Variants in DLGAP2 observed in about 807,000 individuals in gnomAD.
The protein encoded by DLGAP2 is DLG associated protein 2, also known as disks large-associated protein 2.
In DLGAP2, 26 loss-of-function variants were observed where a neutral mutation model predicts 100.3. The observed-to-expected ratio is 0.26, with a 90% CI of 0.19 to 0.36. The LOEUF (loss-of-function observed/expected upper bound fraction) is 0.36, where lower values mean the gene tolerates loss of function less well. Ranked by LOEUF, DLGAP2 falls within the 10% of genes least tolerant of loss-of-function variation. DLGAP2 has a pLI of 1.00. For synonymous variants in DLGAP2, 886 were observed against 630.1 expected, an observed-to-expected ratio of 1.41 and a Z score of -6.08; for missense variants, 1,858 against 1,453.2, an observed-to-expected ratio of 1.28 and a Z score of -4.53.
chr8:1,256,550 G>A lies in DLGAP2; in HGVS notation c.74-2301G>A, dbSNP rs577860675. ...GTCTCATCCTGCCCAGGCGCTGTGTGTGTGTCCTTTCCTGCCCGGGTGCTG... is the reference window on the plus strand; with the variant it reads ...GTCTCATCCTGCCCAGGCGCTGTGTATGTGTCCTTTCCTGCCCGGGTGCTG... On this transcript the variant is annotated intron_variant, in intron 2 of 14. Transcript: ENST00000637795. Among the ~76,000 whole-genome samples, 3 of 148,190 alleles carry A rather than the reference G, an allele frequency of 2.0e-5. No homozygotes were observed. In the East Asian group the frequency reaches 6.1e-4, roughly 30 times the overall value.
intron 1 of DLGAP2, among the ~76,000 whole-genome samples, chr8:821,638 A>ACTG: frequency 6.6e-6 from 1 of 152,320 alleles, no homozygotes; most frequent in South Asian, 2.1e-4. Flanking sequence ...ATTCTCTGGT[A>ACTG]CTGGTTGTTT....
chr8:982,087 G>A (rs145685717), intron 2 of DLGAP2, among the ~76,000 whole-genome samples: 34 of 152,332 alleles, frequency 2.2e-4, no homozygotes, highest in African/African-American at 8.2e-4. Context: ...GGACAGGTTA[G>A]TTAGGAATGC....
intron 5 of DLGAP2, chr8:1,565,424 G>C (rs1395488196): frequency 5.2e-6 from 2 of 381,402 alleles, no homozygotes; most frequent in Non-Finnish European, 9.2e-6. Flanking sequence ...GATTGCAAGT[G>C]TCCCTTCTTC....
chr8:961,878 G>A, intron 2 of DLGAP2, among the ~76,000 whole-genome samples: 1 of 152,200 alleles, frequency 6.6e-6, no homozygotes, highest in Non-Finnish European at 1.5e-5. Context: ...CTGGACTCGG[G>A]AAGTCTTCAT....
chr8:936,287 A>C (rs1048051613), intron 2 of DLGAP2, among the ~76,000 whole-genome samples: 1 of 152,166 alleles, frequency 6.6e-6, no homozygotes, highest in South Asian at 2.1e-4. Context: ...AGGGGGCTCT[A>C]TTTGAAGGTG....
chr8:986,045 T>C (rs1033463681), intron 2 of DLGAP2, among the ~76,000 whole-genome samples: 14 of 152,164 alleles, frequency 9.2e-5, no homozygotes, highest in African/African-American at 3.4e-4. Flanking sequence ...GGGGGGAGTA[T>C]GGCTGGTTGG....
chr8:772,509 G>A (rs1585846956), intron 1 of DLGAP2, among the ~76,000 whole-genome samples: 1 of 152,080 alleles, frequency 6.6e-6, no homozygotes, highest in East Asian at 1.9e-4. Flanking sequence ...TTTTAGTAGA[G>A]ACGGGGTTTC....
At chr8:1,411,045 A>AAGGTGACT (rs1387613208) in intron 3 of DLGAP2, among the ~76,000 whole-genome samples, 1 of 152,126 alleles carries the variant, frequency 6.6e-6, no homozygotes, top group African/African-American at 2.4e-5. Context: ...CAGTGCATAA[A>AAGGTGACT]AGGTGACTAA....
chr8:1,431,554 T>C (rs1467201547), intron 3 of DLGAP2, among the ~76,000 whole-genome samples: 1 of 152,198 alleles, frequency 6.6e-6, no homozygotes, highest in Non-Finnish European at 1.5e-5. Context: ...CAGCCGTTCA[T>C]GCACGAGTTC....
At chr8:1,349,084 G>C (rs1407331488) in intron 3 of DLGAP2, among the ~76,000 whole-genome samples, 1 of 151,660 alleles carries the variant, frequency 6.6e-6, no homozygotes. Context: ...CCTCAGCAGT[G>C]TGCTGCTCAG....
chr8:1,431,049 C>G (rs1299341133), intron 3 of DLGAP2, among the ~76,000 whole-genome samples: 1 of 152,154 alleles, frequency 6.6e-6, no homozygotes, highest in Non-Finnish European at 1.5e-5. Context: ...AATATTTGGA[C>G]ATAGAAACAA....
At chr8:1,115,930 C>T (rs1805101319) in intron 2 of DLGAP2, among the ~76,000 whole-genome samples, 1 of 152,176 alleles carries the variant, frequency 6.6e-6, no homozygotes, top group Non-Finnish European at 1.5e-5. Context: ...CATAATGGGC[C>T]TGGAATCTTC....
intron 3 of DLGAP2, among the ~76,000 whole-genome samples, chr8:1,272,028 T>C (rs1011047780): frequency 4.6e-5 from 7 of 152,032 alleles, no homozygotes; most frequent in African/African-American, 1.7e-4. Flanking sequence ...GTTGGCCAAG[T>C]TGGTCTCAAA....
chr8:1,534,716 C>T (rs1489582253), intron 4 of DLGAP2, among the ~76,000 whole-genome samples: 1 of 152,118 alleles, frequency 6.6e-6, no homozygotes, highest in African/African-American at 2.4e-5. Context: ...GTCTGAGAAC[C>T]TGCTGGTCAA....
intron 2 of DLGAP2, among the ~76,000 whole-genome samples, chr8:1,222,243 T>C (rs936520956): frequency 1.3e-5 from 2 of 152,214 alleles, no homozygotes; most frequent in African/African-American, 4.8e-5. Context: ...CGCTATCTTT[T>C]GGATGGGGCT....
At chr8:1,140,273 A>C (rs969230371) in intron 2 of DLGAP2, among the ~76,000 whole-genome samples, 2 of 152,110 alleles carry the variant, frequency 1.3e-5, no homozygotes, top group Non-Finnish European at 2.9e-5. Context: ...GGTGGGTGAC[A>C]GCACCTCTGC....
intron 1 of DLGAP2, among the ~76,000 whole-genome samples, chr8:806,965 T>C (rs575726757): frequency 1.5e-4 from 23 of 152,300 alleles, no homozygotes; most frequent in African/African-American, 5.3e-4. Flanking sequence ...GGTTTTCCCC[T>C]GGAACTGGGC....
rs774202859 is a variant in DLGAP2, at chr8:1,626,769, T to C, written c.1472T>C (p.Val491Ala). The change falls in exon 7 of 15, where the codon GTG (valine) becomes GCG (alanine). Residue 491 changes from valine to alanine, a missense_variant. By Grantham distance (64) the Val-to-Ala change is moderately conservative. Coordinates refer to ENST00000637795, the MANE Select transcript of DLGAP2 (RefSeq NM_001346810.2). ...ACCTACCTGCAAGCTGCAAGCGATGTGCCTGTGGGACACAGCCTGGACCCC... is the reference window on the plus strand; with the variant it reads ...ACCTACCTGCAAGCTGCAAGCGATGCGCCTGTGGGACACAGCCTGGACCCC... ...TQTYLQAASDVPVGHSLDPAA... is the reference protein window; with the variant it reads ...TQTYLQAASDAPVGHSLDPAA... The C allele has an allele frequency of 4.4e-6, 7 of 1,604,300 alleles. No individual in the cohort carries two copies. The East Asian group carries it at 1.6e-4, about 36-fold the overall frequency.
intron 8 of DLGAP2, among the ~76,000 whole-genome samples, chr8:1,659,709 A>C (rs1585040236): frequency 6.6e-6 from 1 of 151,952 alleles, no homozygotes. Flanking sequence ...ATATTCCTCC[A>C]TCCCTTTACT....
Sources: allele counts gnomAD v4.1 joint callset (sites outside exome capture counted in the v4.1 genomes callset), GRCh38; gene constraint gnomAD v4.1.1; transcripts MANE v1.5; gene names NCBI Gene and HGNC (gene_info 2026-07-23, HGNC 2026-07-21).